Variants in TUT4 observed in about 807,000 individuals in gnomAD.
TUT4 encodes terminal uridylyl transferase 4, also known as terminal uridylyltransferase 4.
In TUT4, 36 loss-of-function variants were observed where a neutral mutation model predicts 192.2. The ratio of observed to expected loss-of-function variants is 0.19; its 90% CI spans 0.14 to 0.25. The LOEUF (loss-of-function observed/expected upper bound fraction) is 0.25, where lower values mean the gene tolerates loss of function less well. Ranked by LOEUF, TUT4 falls within the 10% of genes least tolerant of loss-of-function variation. TUT4 has a pLI of 1.00. For synonymous variants in TUT4, 618 were observed against 666.0 expected, an observed-to-expected ratio of 0.93 and a Z score of 1.11; for missense variants, 1,493 against 1,957.2, an observed-to-expected ratio of 0.76 and a Z score of 4.47.
chr1:52,499,682 T>C (rs1673549684), intron 4 of TUT4, among the ~76,000 whole-genome samples: 2 of 151,812 alleles, frequency 1.3e-5, no homozygotes, highest in Admixed American at 1.3e-4. Context: ...TGCAGTGAAA[T>C]GAGATTGCAC....
chr1:52,450,743 T>C (rs1301490163), intron 20 of TUT4, among the ~76,000 whole-genome samples: 2 of 152,200 alleles, frequency 1.3e-5, no homozygotes. Flanking sequence ...ATTAGGATTC[T>C]GACTAGTTAT....
At chr1:52,535,433 T>G (rs1468742508) in intron 1 of TUT4, among the ~76,000 whole-genome samples, 1 of 152,210 alleles carries the variant, frequency 6.6e-6, no homozygotes, top group Non-Finnish European at 1.5e-5. Flanking sequence ...AATCTCATAT[T>G]TCTAAAGACC....
At chr1:52,484,698 G>A (rs1407780996) in intron 9 of TUT4, among the ~76,000 whole-genome samples, 1 of 152,062 alleles carries the variant, frequency 6.6e-6, no homozygotes, top group African/African-American at 2.4e-5. Flanking sequence ...GATCATCTGA[G>A]CATTCTATTC....
intron 24 of TUT4, among the ~76,000 whole-genome samples, chr1:52,445,025 A>ATG (rs756702789): frequency 2.3e-3 from 288 of 126,080 alleles, no homozygotes; most frequent in South Asian, 0.012. Flanking sequence ...ATATGTATAT[A>ATG]TGTGTATATA....
At chr1:52,516,319 C>T (rs201784462) in intron 2 of TUT4, among the ~76,000 whole-genome samples, 66 of 152,250 alleles carry the variant, frequency 4.3e-4, no homozygotes, top group African/African-American at 1.4e-3. Flanking sequence ...CTGAGACTTA[C>T]ATTACACAAA....
At chr1:52,435,344 A>G in intron 27 of TUT4, 21 bp downstream of exon 27, 1 of 1,592,688 alleles carries the variant, frequency 6.3e-7, no homozygotes, top group South Asian at 1.1e-5. Context: ...AGACTAACAC[A>G]TTCACAGGCA....
At chr1:52,436,694 A>C in intron 26 of TUT4, 61 bp downstream of exon 26, 3 of 1,602,742 alleles carry the variant, frequency 1.9e-6, no homozygotes, top group Non-Finnish European at 2.6e-6. Context: ...GTCATTTAGC[A>C]TGCAAGCAAC....
chr1:52,545,333 C>T lies in TUT4; in HGVS notation c.-94+7598G>A, dbSNP rs891719489. 1.1e-4 allele frequency among the ~76,000 whole-genome samples: 16 copies of T among 150,140 alleles called. No homozygotes were observed. In the East Asian group the frequency reaches 2.9e-3, roughly 27 times the overall value. Reference sequence around the variant, plus strand: ...TGGAGATTGTGGTGAGCCAAGATTGCGCCACTGCTCTACAGTCTGGGTGAC... The same window carrying T: ...TGGAGATTGTGGTGAGCCAAGATTGTGCCACTGCTCTACAGTCTGGGTGAC... On this transcript the variant is annotated intron_variant, in intron 1 of 29. Transcript: ENST00000257177.
chr1:52,429,701 T>C (rs1651402264), intron 28 of TUT4, among the ~76,000 whole-genome samples: 1 of 151,956 alleles, frequency 6.6e-6, no homozygotes, highest in South Asian at 2.1e-4. Context: ...CAAGCGATTC[T>C]CCTGCCTCAG....
intron 1 of TUT4, among the ~76,000 whole-genome samples, chr1:52,537,083 C>T (rs531673839): frequency 1.6e-4 from 24 of 152,100 alleles, no homozygotes; most frequent in African/African-American, 4.1e-4. Flanking sequence ...TCGCTTGAAC[C>T]CAGGAGGCGG....
intron 20 of TUT4, among the ~76,000 whole-genome samples, chr1:52,453,468 A>G (rs1258047937): frequency 6.6e-6 from 1 of 152,104 alleles, no homozygotes; most frequent in Non-Finnish European, 1.5e-5. Flanking sequence ...GCTAAAGAAG[A>G]AAAGTCACGA....
intron 15 of TUT4, among the ~76,000 whole-genome samples, chr1:52,465,552 C>T (rs1663864457): frequency 6.6e-6 from 1 of 152,216 alleles, no homozygotes. Flanking sequence ...ATGTCCACAT[C>T]CAAACAATCA....
chr1:52,445,891 A>C, intron 23 of TUT4, 22 bp from the exon 24 acceptor site: 1 of 1,603,972 alleles, frequency 6.2e-7, no homozygotes, highest in Non-Finnish European at 8.5e-7. Flanking sequence ...AGAAGAAAAC[A>C]ATAAAGATGC....
At chr1:52,426,358 C>T (rs911433614) in intron 28 of TUT4, among the ~76,000 whole-genome samples, 1 of 152,002 alleles carries the variant, frequency 6.6e-6, no homozygotes, top group Non-Finnish European at 1.5e-5. Flanking sequence ...GCTAACTATC[C>T]CCCCAAATCT....
chr1:52,481,761 C>G, intron 10 of TUT4, 43 bp downstream of exon 10: 1 of 1,530,612 alleles, frequency 6.5e-7, no homozygotes. Flanking sequence ...CAAGAGCAAA[C>G]TATATATATA....
At chr1:52,473,504 A>AAT (rs747590731) in intron 13 of TUT4, among the ~76,000 whole-genome samples, 1 of 152,206 alleles carries the variant, frequency 6.6e-6, no homozygotes, top group East Asian at 1.9e-4. Flanking sequence ...CAGTGATAAT[A>AAT]ATATATATAC....
Position 52,495,447 on chromosome 1 carries a change from C to T in TUT4, c.1246G>A (p.Asp416Asn). 1 of 1,606,282 alleles carries T rather than the reference C, an allele frequency of 6.2e-7. No individual in the cohort carries two copies. Reference sequence around the variant, plus strand: ...CTTACCTTGGGAGGAAATTTTATATCTATATTAACATCACTACTTTTCAGA... The same window carrying T: ...CTTACCTTGGGAGGAAATTTTATATTTATATTAACATCACTACTTTTCAGA... ...FALKSSDVNI[D>N]IKFPPKMNHP... The change falls in exon 6 of 30, where the codon GAT becomes AAT. Residue 416 changes from aspartate (D) to asparagine (N), a missense_variant. Transcript: ENST00000257177.
At chr1:52,507,373 C>T (rs969201866) in intron 4 of TUT4, among the ~76,000 whole-genome samples, 3 of 152,204 alleles carry the variant, frequency 2.0e-5, no homozygotes, top group African/African-American at 7.2e-5. Flanking sequence ...ATAGTGCAAC[C>T]TAGAAACTCT....
At chr1:52,519,409 T>A (rs1004692778) in intron 2 of TUT4, among the ~76,000 whole-genome samples, 1 of 152,188 alleles carries the variant, frequency 6.6e-6, no homozygotes, top group Non-Finnish European at 1.5e-5. Flanking sequence ...AGTTTCTTTG[T>A]AGAGTGATGA....
Sources: gnomAD v4.1 joint callset for allele counts (sites outside exome capture counted in the v4.1 genomes callset) on GRCh38, gnomAD v4.1.1 for gene constraint, MANE v1.5 for transcripts, NCBI Gene and HGNC (gene_info 2026-07-23, HGNC 2026-07-21) for gene names.